DIPK1A: variants seen among roughly 807,000 people sequenced by gnomAD.
The protein encoded by DIPK1A is divergent protein kinase domain 1A.
In DIPK1A, 27 loss-of-function variants were observed where a neutral mutation model predicts 40.8. The observed-to-expected ratio is 0.66, with a 90% CI of 0.49 to 0.91. The LOEUF (loss-of-function observed/expected upper bound fraction) is 0.91, where lower values mean the gene tolerates loss of function less well. Among genes scored for constraint, DIPK1A ranks in the 40% least tolerant of loss-of-function variants. The pLI, the probability that DIPK1A is intolerant of heterozygous loss-of-function variation, is 0.00. For synonymous variants in DIPK1A, 166 were observed against 171.3 expected, an observed-to-expected ratio of 0.97 and a Z score of 0.24; for missense variants, 412 against 505.7, an observed-to-expected ratio of 0.81 and a Z score of 1.78.
At chr1:92,872,167 C>T (rs1484135170) in intron 2 of DIPK1A, among the ~76,000 whole-genome samples, 1 of 140,386 alleles carries the variant, frequency 7.1e-6, no homozygotes, top group African/African-American at 2.6e-5. Context: ...GCAACCTCTG[C>T]CTCCTGGGTT....
chr1:92,881,574 A>G (rs1648378029), intron 1 of DIPK1A, among the ~76,000 whole-genome samples: 2 of 152,240 alleles, frequency 1.3e-5, no homozygotes, highest in South Asian at 4.1e-4. Context: ...ACAAAATGCC[A>G]AGAACAACTA....
At chr1:92,944,389 A>G (rs1651285480) in intron 1 of DIPK1A, among the ~76,000 whole-genome samples, 1 of 152,242 alleles carries the variant, frequency 6.6e-6, no homozygotes, top group South Asian at 2.1e-4. Flanking sequence ...AACTGATAAA[A>G]GAACCCTATT....
intron 1 of DIPK1A, among the ~76,000 whole-genome samples, chr1:92,896,684 A>C (rs1356254996): frequency 6.6e-6 from 1 of 152,052 alleles, no homozygotes; most frequent in Non-Finnish European, 1.5e-5. Flanking sequence ...GAGCTTCTGC[A>C]CAGCAAAGAA....
chr1:92,920,473 T>C (rs983403216), intron 1 of DIPK1A, among the ~76,000 whole-genome samples: 2 of 152,174 alleles, frequency 1.3e-5, no homozygotes, highest in Non-Finnish European at 2.9e-5. Flanking sequence ...AATTACCCAG[T>C]ATCGAGTATG....
intron 1 of DIPK1A, among the ~76,000 whole-genome samples, chr1:92,918,937 C>G (rs1300309580): frequency 6.6e-6 from 1 of 152,174 alleles, no homozygotes; most frequent in African/African-American, 2.4e-5. Flanking sequence ...ACCGCTGATC[C>G]GGCAGGAGGC....
intron 2 of DIPK1A, among the ~76,000 whole-genome samples, chr1:92,860,151 G>A (rs1238869048): frequency 6.6e-6 from 1 of 152,146 alleles, no homozygotes; most frequent in African/African-American, 2.4e-5. Context: ...TTAAGAACTA[G>A]TTGAGGCTAT....
chr1:92,868,537 A>G (rs1169725836), intron 2 of DIPK1A, among the ~76,000 whole-genome samples: 1 of 152,142 alleles, frequency 6.6e-6, no homozygotes, highest in African/African-American at 2.4e-5. Flanking sequence ...GTTTTTCCCA[A>G]TCACTCCAGT....
chr1:92,844,087 A>T lies in DIPK1A; in HGVS notation c.583T>A (p.Trp195Arg). 1.3e-6 allele frequency: 2 copies of T among 1,551,928 alleles called. No homozygotes were observed. Among genetic ancestry groups the T allele is most frequent in the East Asian group, 4.9e-5 (2 of 40,924 alleles). ...QVSLGEAKSA[W>R]ALLQLNEFLL... Reference sequence around the variant, plus strand: ...AATTCATTCAGTTGAAGAAGTGCCCATGCCGACTTTGCTTCTCCCAAGGAA... The same window carrying T: ...AATTCATTCAGTTGAAGAAGTGCCCTTGCCGACTTTGCTTCTCCCAAGGAA... Residue 195 changes from tryptophan (W) to arginine (R), a missense_variant, in exon 5 of 5, where the codon TGG becomes AGG. Trp to Arg is a moderately radical substitution (Grantham distance 101, BLOSUM62 -3). Transcript: ENST00000370310.
chr1:92,833,719 G>GCTTC, intron 4 of DIPK1A: 6 of 1,327,972 alleles, frequency 4.5e-6, no homozygotes, highest in Non-Finnish European at 6.5e-6. Flanking sequence ...TGCTTGGGAA[G>GCTTC]CAAAGCACAT....
chr1:92,929,158 G>C (rs1186382623), intron 1 of DIPK1A, among the ~76,000 whole-genome samples: 4 of 152,098 alleles, frequency 2.6e-5, no homozygotes, highest in African/African-American at 9.7e-5. Flanking sequence ...CTTGAACGTG[G>C]TAACATTTTC....
chr1:92,877,860 A>G (rs892429228), intron 1 of DIPK1A, among the ~76,000 whole-genome samples: 1 of 152,224 alleles, frequency 6.6e-6, no homozygotes, highest in African/African-American at 2.4e-5. Flanking sequence ...GACATGTACT[A>G]ATATTGTGAA....
At chr1:92,931,937 T>C (rs895195693) in intron 1 of DIPK1A, 6 of 275,758 alleles carry the variant, frequency 2.2e-5, no homozygotes, top group South Asian at 4.0e-5. Context: ...CCGCAAGTTG[T>C]TGAAGAAATA....
downstream of DIPK1A, among the ~76,000 whole-genome samples, chr1:92,841,142 A>G (rs1295171427): frequency 6.6e-6 from 1 of 152,064 alleles, no homozygotes; most frequent in Non-Finnish European, 1.5e-5. Flanking sequence ...ACAAAATCAT[A>G]CTCCTCCTGT....
At chr1:92,856,422 T>C (rs1273546317) in intron 2 of DIPK1A, among the ~76,000 whole-genome samples, 1 of 152,126 alleles carries the variant, frequency 6.6e-6, no homozygotes, top group African/African-American at 2.4e-5. Flanking sequence ...TATTTATTAT[T>C]ATTATTATTT....
intron 4 of DIPK1A, among the ~76,000 whole-genome samples, 164 bp from the exon 5 acceptor site, chr1:92,844,359 C>T (rs7349066): frequency 6.6e-6 from 1 of 152,164 alleles, no homozygotes; most frequent in East Asian, 1.9e-4. Context: ...ATGATACTTC[C>T]TAAGTGAACT....
chr1:92,923,895 C>A (rs549812490), intron 1 of DIPK1A, among the ~76,000 whole-genome samples: 1 of 151,582 alleles, frequency 6.6e-6, no homozygotes, highest in African/African-American at 2.4e-5. Context: ...CAAAACAAAA[C>A]AAAACAAAAA....
intron 1 of DIPK1A, chr1:92,934,178 C>T (rs1650866055): frequency 6.6e-6 from 1 of 152,156 alleles, no homozygotes. Context: ...TAACTAAATG[C>T]AACCTCAACT....
At chr1:92,944,978 C>T (rs1651305948) in intron 1 of DIPK1A, among the ~76,000 whole-genome samples, 1 of 152,024 alleles carries the variant, frequency 6.6e-6, no homozygotes, top group South Asian at 2.1e-4. Flanking sequence ...AAGTTTACTT[C>T]CCACACATCC....
chr1:92,936,559 G>A (rs967268400), intron 1 of DIPK1A, among the ~76,000 whole-genome samples: 1 of 149,952 alleles, frequency 6.7e-6, no homozygotes, highest in African/African-American at 2.5e-5. Context: ...AACCCGGGAC[G>A]CTGAGGTTGC....
Sources: allele counts gnomAD v4.1 joint callset (sites outside exome capture counted in the v4.1 genomes callset), GRCh38; gene constraint gnomAD v4.1.1; transcripts MANE v1.5; gene names NCBI Gene and HGNC (gene_info 2026-07-23, HGNC 2026-07-21).